The following RSPO2 variants were observed in gnomAD, a reference collection of about 807,000 sequenced individuals.
The protein encoded by RSPO2 is R-spondin-2.
A neutral mutation model predicts 30.9 loss-of-function variants in RSPO2; 14 were observed. The ratio of observed to expected loss-of-function variants is 0.45; its 90% confidence interval spans 0.30 to 0.71. RSPO2 has a LOEUF of 0.71. RSPO2 is among the 30% of genes least tolerant of loss of function. RSPO2 has a pLI of 0.08. For synonymous variants in RSPO2, 107 were observed against 96.4 expected, an observed-to-expected ratio of 1.11 and a Z score of -0.64; for missense variants, 264 against 301.9, an observed-to-expected ratio of 0.87 and a Z score of 0.93.
At position 108,083,427 on chromosome 8, in the gene RSPO2, G is replaced by T. The variant is rs1289341133; in HGVS notation, c.-400C>A. 1 of 152,396 alleles carries T rather than the reference G, an allele frequency of 6.6e-6. No homozygotes were observed. 9.4% of individuals were successfully genotyped at this position (152,396 alleles called of 1,614,324 possible). ...TGCTCCGTCCCCGCCCGCGAGCGCG[G>T]TCCCCAGGCAAGGGGTGCGCCCGCT... On this transcript the variant is annotated 5_prime_UTR_variant, in exon 1 of 6. Transcript: ENST00000276659.
intron 5 of RSPO2, among the ~76,000 whole-genome samples, chr8:107,902,602 G>A (rs1811513316): frequency 6.6e-6 from 1 of 152,028 alleles, no homozygotes; most frequent in African/African-American, 2.4e-5. Context: ...AAGGCCATGA[G>A]ATTTCTAAAT....
chr8:108,029,798 C>A (rs776341022), intron 2 of RSPO2, among the ~76,000 whole-genome samples: 1 of 152,156 alleles, frequency 6.6e-6, no homozygotes, highest in Non-Finnish European at 1.5e-5. Context: ...GTTATTACAG[C>A]TTGAAATGAG....
intron 3 of RSPO2, among the ~76,000 whole-genome samples, chr8:107,986,290 T>G (rs2130516591): frequency 6.6e-6 from 1 of 152,330 alleles, no homozygotes; most frequent in Middle Eastern, 3.4e-3. Context: ...TTCACTTTGC[T>G]CTAATGGGGT....
At chr8:108,065,425 C>A (rs1563587957) in intron 2 of RSPO2, among the ~76,000 whole-genome samples, 1 of 151,896 alleles carries the variant, frequency 6.6e-6, no homozygotes, top group Non-Finnish European at 1.5e-5. Context: ...ATACTTATGG[C>A]CAAAATGTAT....
In RSPO2 at chr8:107,900,869, T is replaced by TA; in HGVS notation, c.*205dup. ...TGAGCCAAGTCACGGGCTGTGCACT[T>TA]ACTCCTGCCTTCACAGTCTCCAGAT... On this transcript the variant is annotated 3_prime_UTR_variant, in exon 6 of 6. Transcript: ENST00000276659. 2.0e-6 allele frequency: 1 copy of TA among 508,574 alleles called. No homozygotes were observed. Among genetic ancestry groups the TA allele is most frequent in the Admixed American group, 3.6e-5 (1 of 27,848 alleles). The allele number at this position is 508,574 out of a possible 1,614,324, so 31.5% of individuals were successfully genotyped here.
rs551466057 is a variant in RSPO2, at chr8:108,083,467, C to T, written c.-440G>A. On this transcript the variant is annotated 5_prime_UTR_variant, in exon 1 of 6. Transcript: ENST00000276659. ...GTGCGCCCGCTCACACTCTCTGCCTCCCTAACCAATTGTGTCGCTTCCTGC... is the reference window on the plus strand; with the variant it reads ...GTGCGCCCGCTCACACTCTCTGCCTTCCTAACCAATTGTGTCGCTTCCTGC... 1.3e-5 allele frequency: 2 copies of T among 152,502 alleles called. No homozygotes were observed. The highest frequency in any genetic ancestry group is 1.9e-4 in the East Asian group (1 of 5,174). The allele number at this position is 152,502 out of a possible 1,614,324, so 9.4% of individuals were successfully genotyped here. A position where few individuals can be genotyped will look rare whatever the true frequency, so the allele number is the denominator to read the frequency against.
intron 5 of RSPO2, among the ~76,000 whole-genome samples, chr8:107,909,924 A>G (rs763745287): frequency 1.3e-5 from 2 of 152,126 alleles, no homozygotes; most frequent in Non-Finnish European, 2.9e-5. Flanking sequence ...TTGGGGGAAA[A>G]GGTAAGGACT....
At chr8:108,063,097 A>G (rs1361341838) in intron 2 of RSPO2, among the ~76,000 whole-genome samples, 1 of 151,858 alleles carries the variant, frequency 6.6e-6, no homozygotes, top group Non-Finnish European at 1.5e-5. Flanking sequence ...CAAAAACTGG[A>G]AGCATTCCCT....
chr8:107,929,933 GAA>G, intron 5 of RSPO2, among the ~76,000 whole-genome samples: 1 of 152,166 alleles, frequency 6.6e-6, no homozygotes, highest in Admixed American at 6.5e-5. Flanking sequence ...AGTATTCATA[GAA>G]AAAAATCTAT....
chr8:108,067,741 T>C (rs976339126), intron 2 of RSPO2, among the ~76,000 whole-genome samples: 13 of 152,216 alleles, frequency 8.5e-5, no homozygotes, highest in Admixed American at 6.5e-4. Context: ...GAGATTTCAC[T>C]AATGCTCCAT....
chr8:107,975,378 T>C (rs1814170174), intron 3 of RSPO2, among the ~76,000 whole-genome samples: 1 of 152,098 alleles, frequency 6.6e-6, no homozygotes, highest in Non-Finnish European at 1.5e-5. Flanking sequence ...AAACATAGGA[T>C]GTCATCAGCC....
At chr8:107,907,248 T>C (rs1369683459) in intron 5 of RSPO2, among the ~76,000 whole-genome samples, 1 of 151,988 alleles carries the variant, frequency 6.6e-6, no homozygotes, top group Non-Finnish European at 1.5e-5. Flanking sequence ...CAGCACAAAG[T>C]GTTGTCAGTT....
intron 2 of RSPO2, among the ~76,000 whole-genome samples, chr8:108,056,886 T>C (rs1812265341): frequency 6.7e-6 from 1 of 149,788 alleles, no homozygotes; most frequent in South Asian, 2.1e-4. Context: ...TGAAACCCCA[T>C]CTCTACCAAA....
chr8:107,973,281 TG>T (rs551349917), intron 3 of RSPO2, among the ~76,000 whole-genome samples: 3 of 146,052 alleles, frequency 2.1e-5, no homozygotes, highest in African/African-American at 5.3e-5. Flanking sequence ...AAAAAAAAAA[TG>T]GGGGGGGAAC....
intron 4 of RSPO2, among the ~76,000 whole-genome samples, chr8:107,959,867 T>C (rs1355426937): frequency 3.3e-5 from 5 of 152,200 alleles, no homozygotes; most frequent in Non-Finnish European, 7.3e-5. Flanking sequence ...ACTTCAGCAA[T>C]ATTTTCATAG....
chr8:107,984,747 C>T (rs528608757), intron 3 of RSPO2, among the ~76,000 whole-genome samples: 140 of 152,130 alleles, frequency 9.2e-4, no homozygotes, highest in African/African-American at 3.3e-3. Flanking sequence ...TGTAAGAAAT[C>T]AATAAAGTAA....
At chr8:108,056,920 G>A (rs1812266241) in intron 2 of RSPO2, among the ~76,000 whole-genome samples, 1 of 150,956 alleles carries the variant, frequency 6.6e-6, no homozygotes. Context: ...AGCCGGGCAT[G>A]GTGGCACATG....
In RSPO2 at chr8:108,083,529, T is replaced by G. The variant is rs1352522377; in HGVS notation, c.-502A>C. 6.6e-6 allele frequency: 1 copy of G among 152,316 alleles called. No individual in the cohort carries two copies. Among genetic ancestry groups the G allele is most frequent in the East Asian group, 1.9e-4 (1 of 5,182 alleles). The allele number at this position is 152,316 out of a possible 1,614,324, so 9.4% of individuals were successfully genotyped here. ...GGTCACTTCACAGCTAAGATTTCTT[T>G]CTTTCCGAGCTGTAGAAGGCAGAAC... On this transcript the variant is annotated 5_prime_UTR_variant, in exon 1 of 6. Coordinates refer to ENST00000276659, the MANE Select transcript of RSPO2 (RefSeq NM_178565.5).
chr8:107,901,455 C>T (rs1586522761), intron 5 of RSPO2, among the ~76,000 whole-genome samples: 1 of 152,342 alleles, frequency 6.6e-6, no homozygotes, highest in East Asian at 1.9e-4. Flanking sequence ...ATCCGTCTTT[C>T]AAATATCATC....
Sources: gnomAD v4.1 joint callset for allele counts (sites outside exome capture counted in the v4.1 genomes callset) on GRCh38, gnomAD v4.1.1 for gene constraint, MANE v1.5 for transcripts, NCBI Gene and HGNC (gene_info 2026-07-23, HGNC 2026-07-21) for gene names.